The following TRPS1 variants were observed in gnomAD, a reference collection of about 807,000 sequenced individuals.
TRPS1 encodes transcriptional repressor GATA binding 1, also known as zinc finger transcription factor Trps1.
TRPS1 carries 6 observed loss-of-function variants against 101.2 expected under a neutral mutation model. The ratio of observed to expected loss-of-function variants is 0.06; its 90% CI spans 0.03 to 0.12. The LOEUF is 0.12. Ranked by LOEUF, TRPS1 falls within the 10% of genes least tolerant of loss-of-function variation. The pLI is 1.00. For missense variants in TRPS1, 1,363 were observed against 1,567.0 expected, an observed-to-expected ratio of 0.87 and a Z score of 2.20; for synonymous variants, 578 against 589.8, an observed-to-expected ratio of 0.98 and a Z score of 0.29.
intron 5 of TRPS1, among the ~76,000 whole-genome samples, chr8:115,476,541 T>C (rs879359141): frequency 4.6e-5 from 7 of 152,184 alleles, no homozygotes; most frequent in Non-Finnish European, 7.3e-5. Context: ...CTATTCAACA[T>C]ATAGCCTGTG....
chr8:115,490,886 T>G (rs1815004232), intron 5 of TRPS1, among the ~76,000 whole-genome samples: 1 of 152,194 alleles, frequency 6.6e-6, no homozygotes, highest in Non-Finnish European at 1.5e-5. Flanking sequence ...GACAGCTCTT[T>G]GAATACACAA....
rs76816123 is a variant in TRPS1 at position 115,555,231 on chromosome 8, C to G, written c.2700+31770G>C. Reference sequence around the variant, plus strand: ...GGTTTTTTTTCTGTACTGCTAACTTCGCTCTTAGAACATTCAGTAAGATAT... The same window carrying G: ...GGTTTTTTTTCTGTACTGCTAACTTGGCTCTTAGAACATTCAGTAAGATAT... On this transcript the variant is annotated intron_variant, in intron 5 of 6. Coordinates refer to ENST00000395715, the MANE Select transcript of TRPS1 (RefSeq NM_014112.5). 2.1e-3 allele frequency among the ~76,000 whole-genome samples: 324 copies of G among 152,226 alleles called. 1 individual carries two copies. The highest frequency in any genetic ancestry group is 3.8e-3 in the Non-Finnish European group (257 of 68,028).
chr8:115,518,001 GA>G (rs34357489), intron 5 of TRPS1, among the ~76,000 whole-genome samples: 2 of 127,722 alleles, frequency 1.6e-5, no homozygotes, highest in African/African-American at 6.0e-5. Flanking sequence ...TCTGGTGTAG[GA>G]AAGGCTTCCA....
At position 115,619,137 on chromosome 8, in the gene TRPS1, C is replaced by A. The variant is rs778218349; in HGVS notation, c.961G>T (p.Val321Leu). The stretch of plus-strand genomic sequence containing the variant: ...AGACAATACAAAGTACAAACCTGCA[C>A]ATCATAGGTCCCATTTAGTAAAACA... ...RPVLLNGTYD[V>L]QVTSGGTFIG... Residue 321 changes from valine (V) to leucine (L), a missense_variant, in exon 3 of 7, where the codon GTG becomes TTG. By Grantham distance (32) the Val-to-Leu change is conservative. This residue lies in a region of TRPS1 where 1,020 missense variants were observed against 1,073.0 expected (regional missense o/e 0.95). Coordinates refer to ENST00000395715, the MANE Select transcript of TRPS1 (RefSeq NM_014112.5). 1 of 1,614,102 alleles carries A rather than the reference C, an allele frequency of 6.2e-7. No homozygotes were observed. Among genetic ancestry groups the A allele is most frequent in the East Asian group, 2.2e-5 (1 of 44,864 alleles).
intron 2 of TRPS1, among the ~76,000 whole-genome samples, chr8:115,620,871 GGT>G (rs1402386025): frequency 1.3e-5 from 2 of 152,154 alleles, no homozygotes; most frequent in Non-Finnish European, 2.9e-5. Context: ...TATGCAGCCT[GGT>G]GAAAACAGTA....
chr8:115,436,852 AGAT>A (rs1813466034), intron 5 of TRPS1, among the ~76,000 whole-genome samples: 1 of 152,202 alleles, frequency 6.6e-6, no homozygotes, highest in Admixed American at 6.5e-5. Flanking sequence ...CACCTGAACT[AGAT>A]GAACTAAAAA....
chr8:115,442,573 GTGTGTGTA>G (rs1489971982), intron 5 of TRPS1, among the ~76,000 whole-genome samples: 2 of 151,806 alleles, frequency 1.3e-5, no homozygotes. Flanking sequence ...GTGTGTGTGT[GTGTGTGTA>G]TGTGTGTGTG....
intron 5 of TRPS1, among the ~76,000 whole-genome samples, chr8:115,469,252 A>G (rs772626825): frequency 5.3e-5 from 8 of 152,250 alleles, no homozygotes; most frequent in Non-Finnish European, 8.8e-5. Context: ...TCACAGTTGC[A>G]TAACAGGCTC....
intron 5 of TRPS1, among the ~76,000 whole-genome samples, chr8:115,580,587 C>A (rs1383599431): frequency 6.6e-6 from 1 of 151,958 alleles, no homozygotes; most frequent in African/African-American, 2.4e-5. Flanking sequence ...AGAAGCCAAG[C>A]AAAAGATAGT....
chr8:115,505,637 T>G (rs950073420), intron 5 of TRPS1, among the ~76,000 whole-genome samples: 40 of 152,212 alleles, frequency 2.6e-4, no homozygotes, highest in African/African-American at 9.4e-4. Flanking sequence ...CCCTTTTAAT[T>G]TTTACAAATA....
At chr8:115,507,707 G>A (rs934770922) in intron 5 of TRPS1, among the ~76,000 whole-genome samples, 6 of 152,060 alleles carry the variant, frequency 3.9e-5, no homozygotes, top group Admixed American at 6.6e-5. Context: ...GATAATACAT[G>A]CCAGTCCTAA....
intron 4 of TRPS1, among the ~76,000 whole-genome samples, chr8:115,592,831 A>G (rs765640148): frequency 6.6e-6 from 1 of 152,104 alleles, no homozygotes; most frequent in Non-Finnish European, 1.5e-5. Context: ...GATCCTGATA[A>G]TACTTTGTAT....
intron 5 of TRPS1, among the ~76,000 whole-genome samples, chr8:115,478,708 G>A (rs1390599045): frequency 2.0e-5 from 3 of 151,798 alleles, no homozygotes; most frequent in East Asian, 1.9e-4. Context: ...GGTGGCTGAA[G>A]CAGAAGAATT....
chr8:115,661,696 C>T (rs933134528), intron 1 of TRPS1: 2 of 150,964 alleles, frequency 1.3e-5, no homozygotes, highest in East Asian at 3.9e-4. Context: ...AAAATCGAAA[C>T]ATATTGTTTA....
chr8:115,635,487 G>GA (rs1246795009), intron 1 of TRPS1, among the ~76,000 whole-genome samples: 2 of 152,174 alleles, frequency 1.3e-5, no homozygotes, highest in African/African-American at 2.4e-5. Context: ...ATTGAGTAAA[G>GA]TGTTGAGTAA....
chr8:115,503,827 T>C (rs1283654002), intron 5 of TRPS1, among the ~76,000 whole-genome samples: 1 of 152,226 alleles, frequency 6.6e-6, no homozygotes, highest in East Asian at 1.9e-4. Context: ...CTTAATATGG[T>C]AATGGTATAA....
intron 5 of TRPS1, among the ~76,000 whole-genome samples, chr8:115,420,836 G>A (rs912985043): frequency 1.3e-5 from 2 of 152,168 alleles, no homozygotes; most frequent in African/African-American, 2.4e-5. Flanking sequence ...TTCAGAGTCA[G>A]TAGAGCTTGG....
chr8:115,515,467 A>G (rs1239770478), intron 5 of TRPS1, among the ~76,000 whole-genome samples: 2 of 151,562 alleles, frequency 1.3e-5, no homozygotes, highest in East Asian at 1.9e-4. Context: ...AGCATTAATA[A>G]AAACAGACAA....
rs978824900 is a variant in TRPS1, at chr8:115,418,767, T to C, written c.2701-315A>G. On this transcript the variant is annotated intron_variant, in intron 5 of 6. Transcript: ENST00000395715. The surrounding 1 kb of genome is among the most constrained non-coding windows in gnomAD (Gnocchi z 4.3). ...AACCCTAAAATATACCTTTTAAAAG[T>C]GTCAAAACATACGTCAAAAAGACAG... 6.6e-6 allele frequency among the ~76,000 whole-genome samples: 1 copy of C among 152,144 alleles called. No homozygotes were observed. Among genetic ancestry groups the C allele is most frequent in the Non-Finnish European group, 1.5e-5 (1 of 68,026 alleles).
Sources: allele counts gnomAD v4.1 joint callset (sites outside exome capture counted in the v4.1 genomes callset), GRCh38; gene constraint gnomAD v4.1.1; regional missense constraint gnomAD v4.1.1; non-coding constraint Gnocchi (gnomAD v3.1); transcripts MANE v1.5; gene names NCBI Gene and HGNC (gene_info 2026-07-23, HGNC 2026-07-21).